Variants in FREM1 observed in about 807,000 individuals in gnomAD.
FREM1 encodes FRAS1-related extracellular matrix protein 1.
Under a neutral mutation model 210.1 loss-of-function variants are expected in FREM1, and 220 were observed. That is an observed-to-expected ratio of 1.05 (90% CI 0.94 to 1.17). The LOEUF is 1.17. Ranked by LOEUF, FREM1 falls within the 50% of genes most tolerant of loss-of-function variation. FREM1 has a pLI of 0.00. For missense variants in FREM1, 3,454 were observed against 2,675.5 expected, an observed-to-expected ratio of 1.29 and a Z score of -6.42; for synonymous variants, 1,189 against 980.2, an observed-to-expected ratio of 1.21 and a Z score of -3.98.
chr9:14,906,779 C>G (rs1381891221), intron 1 of FREM1, among the ~76,000 whole-genome samples: 2 of 152,166 alleles, frequency 1.3e-5, no homozygotes, highest in Non-Finnish European at 2.9e-5. Flanking sequence ...TCTGTAAGTA[C>G]TAAGCAGCTG....
In FREM1 at chr9:14,798,471, A is replaced by G. The variant is rs1315633785; in HGVS notation, c.3695-829T>C. 2.6e-5 allele frequency among the ~76,000 whole-genome samples: 4 copies of G among 152,020 alleles called. No homozygotes were observed. In the South Asian group the frequency reaches 8.3e-4, roughly 32 times the overall value. On this transcript the variant is annotated intron_variant, in intron 20 of 36. Transcript: ENST00000380880. ...AAAAGAATTTTTTTTTTGAAACACT[A>G]GCCAGGTGACGCCTGTAGTCATAGC...
intron 28 of FREM1, among the ~76,000 whole-genome samples, 182 bp from the exon 29 acceptor site, chr9:14,756,628 T>C (rs1844428634): frequency 6.6e-6 from 1 of 152,228 alleles, no homozygotes; most frequent in South Asian, 2.1e-4. Context: ...TTCCTTAAAG[T>C]TGACTTTTTC....
Position 14,874,385 on chromosome 9 carries a change from C to G in FREM1, c.-267-5141G>C, listed in dbSNP as rs867994959. ...GTGCATATATATTTAGGATAGTTAG[C>G]TCTTCTTGTTGAATTGATCCCTTTA... On this transcript the variant is annotated intron_variant, in intron 1 of 36. Coordinates refer to ENST00000380880, the MANE Select transcript of FREM1 (RefSeq NM_001379081.2). Among the ~76,000 whole-genome samples, 885 of 150,520 alleles carry G rather than the reference C, an allele frequency of 5.9e-3. 5 individuals carry two copies. Among genetic ancestry groups the G allele is most frequent in the African/African-American group, 0.019 (779 of 40,766 alleles).
intron 25 of FREM1, among the ~76,000 whole-genome samples, chr9:14,772,169 T>A (rs887307505): frequency 9.8e-5 from 15 of 152,286 alleles, no homozygotes; most frequent in African/African-American, 3.4e-4. Context: ...GATATTTTTA[T>A]ATTTTGCTGG....
intron 1 of FREM1, among the ~76,000 whole-genome samples, chr9:14,881,086 G>A (rs1296525101): frequency 6.6e-6 from 1 of 152,206 alleles, no homozygotes; most frequent in African/African-American, 2.4e-5. Context: ...TTCAGGCTCT[G>A]CAAGAACAGT....
intron 6 of FREM1, among the ~76,000 whole-genome samples, 171 bp downstream of exon 6, chr9:14,851,113 T>C (rs768800610): frequency 1.3e-5 from 2 of 152,150 alleles, no homozygotes; most frequent in Non-Finnish European, 2.9e-5. Context: ...GTTTGCTCAT[T>C]GACCCCACCT....
In FREM1 at chr9:14,877,373, G is replaced by A. The variant is rs534983010; in HGVS notation, c.-267-8129C>T. Reference sequence around the variant, plus strand: ...TCAGTCTTCCTTACCTTAATTAACAGCAACTCCAACTTTTCAGTTGTTCCT... The same window carrying A: ...TCAGTCTTCCTTACCTTAATTAACAACAACTCCAACTTTTCAGTTGTTCCT... On this transcript the variant is annotated intron_variant, in intron 1 of 36. Transcript: ENST00000380880. Among the ~76,000 whole-genome samples, 307 of 141,608 alleles carry A rather than the reference G, an allele frequency of 2.2e-3. 3 individuals are homozygous for A. The highest frequency in any genetic ancestry group is 2.1e-3 in the Non-Finnish European group (134 of 63,450). 92.9% of individuals were successfully genotyped at this position (141,608 alleles called of 152,430 possible).
intron 17 of FREM1, 115 bp downstream of exon 17, chr9:14,807,825 C>G: frequency 1.3e-6 from 1 of 771,238 alleles, no homozygotes; most frequent in African/African-American, 1.8e-5. Flanking sequence ...TATTGAAGGA[C>G]AATTCCATAT....
intron 1 of FREM1, among the ~76,000 whole-genome samples, chr9:14,876,097 C>T (rs1371434917): frequency 6.6e-6 from 1 of 152,140 alleles, no homozygotes; most frequent in Non-Finnish European, 1.5e-5. Context: ...TGGGGGGTGC[C>T]TCCCAGTTAG....
chr9:14,829,307 A>G (rs939638781), intron 10 of FREM1, among the ~76,000 whole-genome samples: 1 of 152,180 alleles, frequency 6.6e-6, no homozygotes, highest in Non-Finnish European at 1.5e-5. Context: ...AAAGCTATTA[A>G]TTACTGTCTG....
At chr9:14,838,766 G>C (rs550692706) in intron 10 of FREM1, among the ~76,000 whole-genome samples, 1 of 152,280 alleles carries the variant, frequency 6.6e-6, no homozygotes, top group African/African-American at 2.4e-5. Context: ...GGTCCCTACT[G>C]TCAAGGAGAT....
At chr9:14,789,433 T>C (rs946376294) in intron 22 of FREM1, among the ~76,000 whole-genome samples, 2 of 152,100 alleles carry the variant, frequency 1.3e-5, no homozygotes, top group South Asian at 4.2e-4. Context: ...TAAGAGGAGG[T>C]GGGTAATCGA....
chr9:14,866,216 T>C (rs1225135179), intron 2 of FREM1, among the ~76,000 whole-genome samples: 1 of 152,182 alleles, frequency 6.6e-6, no homozygotes, highest in African/African-American at 2.4e-5. Context: ...GAGTTTTACC[T>C]TAAAATCAGA....
At chr9:14,740,091 C>T (rs541871666) in intron 36 of FREM1, 58 bp downstream of exon 36, 1 of 1,092,742 alleles carries the variant, frequency 9.2e-7, no homozygotes, top group Non-Finnish European at 1.4e-6. Flanking sequence ...GTGGTGGTGC[C>T]TGTTTGTTTC....
chr9:14,806,718 G>T lies in FREM1; in HGVS notation c.3217C>A (p.Leu1073Ile). Reference protein sequence around the residue: ...VLVSPPQFGYLENILPSVGFE... With the variant: ...VLVSPPQFGYIENILPSVGFE... ...CCCACAGAAGGGAGTATATTTTCGA[G>T]GTAGCCAAACTGAGGAGGAGAAACC... The change falls in exon 18 of 37, where the codon CTC (leucine) becomes ATC (isoleucine). Residue 1073 changes from leucine (L) to isoleucine (I), a missense_variant. Physicochemically the swap from Leu to Ile is conservative, Grantham distance 5. Coordinates refer to ENST00000380880, the MANE Select transcript of FREM1 (RefSeq NM_001379081.2). The T allele has an allele frequency of 6.2e-7, 1 of 1,604,036 alleles. No individual in the cohort carries two copies.
At chr9:14,781,514 C>G (rs145251604) in intron 24 of FREM1, among the ~76,000 whole-genome samples, 2 of 152,184 alleles carry the variant, frequency 1.3e-5, no homozygotes, top group Admixed American at 1.3e-4. Flanking sequence ...AACCTTTTAA[C>G]TACTAAAAAC....
intron 35 of FREM1, among the ~76,000 whole-genome samples, chr9:14,740,949 T>A (rs1218517642): frequency 6.6e-6 from 1 of 152,128 alleles, no homozygotes; most frequent in Non-Finnish European, 1.5e-5. Flanking sequence ...ATGCTTTAAG[T>A]AAGAAGCCAC....
chr9:14,868,673 G>C (rs1831995186), intron 2 of FREM1, 71 bp downstream of exon 2: 3 of 952,572 alleles, frequency 3.1e-6, no homozygotes, highest in African/African-American at 1.6e-5. Context: ...TCTGTTCTCT[G>C]TCCCCCCACA....
rs1564101557 is a variant in FREM1, at chr9:14,860,783, A to ACATATATACG, written c.330-1300_330-1299insCGTATATATG. On this transcript the variant is annotated intron_variant, in intron 3 of 36. Transcript: ENST00000380880. ...TATGCACATATATACACATATATAC[A>ACATATATACG]TATATACATATATACACATATATAC... 1.8e-3 allele frequency among the ~76,000 whole-genome samples: 172 copies of ACATATATACG among 97,162 alleles called. 6 individuals are homozygous for ACATATATACG. The highest frequency in any genetic ancestry group is 6.9e-3 in the African/African-American group (162 of 23,386). The allele number at this position is 97,162 out of a possible 152,430, so 63.7% of individuals were successfully genotyped here. A position where few individuals can be genotyped will look rare whatever the true frequency, so the allele number is the denominator to read the frequency against.
Sources: gnomAD v4.1 joint callset for allele counts (sites outside exome capture counted in the v4.1 genomes callset) on GRCh38, gnomAD v4.1.1 for gene constraint, MANE v1.5 for transcripts, NCBI Gene and HGNC (gene_info 2026-07-23, HGNC 2026-07-21) for gene names.